Variants in CCNY observed in about 807,000 individuals in gnomAD.
CCNY encodes cyclin Y.
CCNY carries 19 observed loss-of-function variants against 42.8 expected under a neutral mutation model. That is an observed-to-expected ratio of 0.44 (90% CI 0.31 to 0.65). The LOEUF (loss-of-function observed/expected upper bound fraction) is 0.65. CCNY is among the 30% of genes least tolerant of loss of function. The probability of loss-of-function intolerance (pLI) is 0.07; values close to 1 mark genes in which losing one functional copy is unlikely to be tolerated. For missense variants in CCNY, 370 were observed against 437.3 expected (o/e 0.85, Z 1.37); for synonymous variants, 165 against 162.7 (o/e 1.01, Z -0.11).
chr10:35,365,488 G>A (rs935655833), intron 1 of CCNY, among the ~76,000 whole-genome samples: 3 of 151,832 alleles, frequency 2.0e-5, no homozygotes, highest in African/African-American at 7.3e-5. Flanking sequence ...AAAAATTGCA[G>A]AAGAATAAAC....
At chr10:35,340,434 A>G (rs1836151061) in intron 1 of CCNY, among the ~76,000 whole-genome samples, 1 of 152,012 alleles carries the variant, frequency 6.6e-6, no homozygotes, top group South Asian at 2.1e-4. Context: ...ATAAATCAGG[A>G]TACTTGTAAC....
At chr10:35,395,758 G>A (rs1228568055) in intron 1 of CCNY, among the ~76,000 whole-genome samples, 1 of 152,218 alleles carries the variant, frequency 6.6e-6, no homozygotes, top group African/African-American at 2.4e-5. Flanking sequence ...GCCTGGTTGT[G>A]TGTTACTTTT....
At chr10:35,312,767 T>TA (rs942385126) in intron 3 of CCNY, among the ~76,000 whole-genome samples, 15 of 150,138 alleles carry the variant, frequency 1.0e-4, no homozygotes, top group Non-Finnish European at 2.2e-4. Flanking sequence ...TTTTTTTTTT[T>TA]TAGAGTTGGG....
intron 1 of CCNY, among the ~76,000 whole-genome samples, chr10:35,462,609 T>C (rs939021589): frequency 2.6e-5 from 4 of 152,180 alleles, no homozygotes; most frequent in African/African-American, 7.2e-5. Context: ...ACCTGTCTTA[T>C]TTGCTTATTT....
At chr10:35,327,788 T>C (rs975748660) in intron 3 of CCNY, 119 of 152,358 alleles carry the variant, frequency 7.8e-4, no homozygotes, top group Middle Eastern at 3.4e-3. Flanking sequence ...GACTTTACTG[T>C]TTTTTGCCTG....
chr10:35,534,644 T>C (rs12781229), intron 7 of CCNY, among the ~76,000 whole-genome samples: 58,005 of 151,860 alleles, frequency 0.38, 11,637 homozygotes, highest in African/African-American at 0.51. Context: ...GTGAGCATTT[T>C]AGTGGGTTTT....
At chr10:35,332,874 G>A (rs1835962839), upstream of CCNY, among the ~76,000 whole-genome samples, 1 of 152,156 alleles carries the variant, frequency 6.6e-6, no homozygotes, top group African/African-American at 2.4e-5. Flanking sequence ...AAACTGCTGG[G>A]ATTACAGGTG....
intron 4 of CCNY, among the ~76,000 whole-genome samples, chr10:35,519,781 T>C (rs1266026775): frequency 4.3e-4 from 56 of 129,138 alleles, no homozygotes; most frequent in African/African-American, 1.3e-3. Context: ...CTTTTCTTTT[T>C]TTTTTTTTTT....
At chr10:35,292,449 C>A (rs180955682) in intron 3 of CCNY, among the ~76,000 whole-genome samples, 1 of 152,088 alleles carries the variant, frequency 6.6e-6, no homozygotes. Context: ...CTGCAACCTG[C>A]ACCTCCTGGG....
At chr10:35,348,042 A>G (rs1001884417) in intron 1 of CCNY, among the ~76,000 whole-genome samples, 1 of 152,154 alleles carries the variant, frequency 6.6e-6, no homozygotes, top group African/African-American at 2.4e-5. Context: ...CAGTTTAGGG[A>G]TAATCTTATT....
intron 1 of CCNY, among the ~76,000 whole-genome samples, chr10:35,341,751 G>A (rs980524728): frequency 2.0e-5 from 3 of 152,156 alleles, no homozygotes; most frequent in Admixed American, 6.5e-5. Flanking sequence ...AGTTTAACCT[G>A]AGAGGTAGCA....
chr10:35,416,108 C>A (rs1037989258), intron 1 of CCNY, among the ~76,000 whole-genome samples: 2 of 151,504 alleles, frequency 1.3e-5, no homozygotes, highest in East Asian at 3.9e-4. Context: ...ACACTGGTAC[C>A]CGTGGGGTGC....
At chr10:35,297,559 T>C (rs535758743) in intron 3 of CCNY, among the ~76,000 whole-genome samples, 1 of 152,190 alleles carries the variant, frequency 6.6e-6, no homozygotes, top group Non-Finnish European at 1.5e-5. Context: ...AAACTATCCC[T>C]GTTTACAGAT....
At chr10:35,435,933 T>C (rs1222831263) in intron 1 of CCNY, among the ~76,000 whole-genome samples, 1 of 152,084 alleles carries the variant, frequency 6.6e-6, no homozygotes, top group Non-Finnish European at 1.5e-5. Context: ...CTCCTGTAGT[T>C]CGGAAGGAGG....
chr10:35,520,367 T>TC lies in CCNY; in HGVS notation c.365+3746dup, dbSNP rs1465739512. 3.3e-5 allele frequency among the ~76,000 whole-genome samples: 5 copies of TC among 152,144 alleles called. No individual in the cohort carries two copies. The East Asian group carries it at 9.6e-4, about 29-fold the overall frequency. On this transcript the variant is annotated intron_variant, in intron 4 of 9. Coordinates refer to ENST00000374704, the MANE Select transcript of CCNY (RefSeq NM_145012.6). Reference sequence around the variant, plus strand: ...TGCCCTACTCCTGTCCAAAGAAAACTCCTATTTTCTTTTTTGCTTTCTTTG... The same window carrying TC: ...TGCCCTACTCCTGTCCAAAGAAAACTCCCTATTTTCTTTTTTGCTTTCTTTG...
chr10:35,267,029 C>G (rs1263802734), intron 3 of CCNY, among the ~76,000 whole-genome samples: 1 of 149,200 alleles, frequency 6.7e-6, no homozygotes, highest in Non-Finnish European at 1.5e-5. Flanking sequence ...GTGCAGTGAG[C>G]TGAGATCGTG....
chr10:35,331,298 C>T (rs1564370652), intron 3 of CCNY, among the ~76,000 whole-genome samples: 1 of 152,196 alleles, frequency 6.6e-6, no homozygotes, highest in East Asian at 1.9e-4. Context: ...CAGGTACATC[C>T]TAGTTCTCAA....
At chr10:35,308,411 G>T (rs2135082550) in intron 3 of CCNY, among the ~76,000 whole-genome samples, 1 of 152,172 alleles carries the variant, frequency 6.6e-6, no homozygotes, top group South Asian at 2.1e-4. Flanking sequence ...AAACAGCTGG[G>T]CATGGTAATG....
chr10:35,411,227 G>A (rs1254367157), intron 1 of CCNY, among the ~76,000 whole-genome samples: 8 of 152,048 alleles, frequency 5.3e-5, no homozygotes, highest in African/African-American at 1.9e-4. Flanking sequence ...ATTTAGCAGC[G>A]ATAGGCCGGG....
Sources: allele counts gnomAD v4.1 joint callset (sites outside exome capture counted in the v4.1 genomes callset), GRCh38; gene constraint gnomAD v4.1.1; transcripts MANE v1.5; gene names NCBI Gene and HGNC (gene_info 2026-07-23, HGNC 2026-07-21).